The following EYA1 variants were observed in gnomAD, a reference collection of about 807,000 sequenced individuals.
EYA1 encodes the protein EYA transcriptional coactivator and phosphatase 1.
A neutral mutation model predicts 82.0 loss-of-function variants in EYA1; 16 were observed. The observed-to-expected ratio is 0.20, with a 90% CI of 0.13 to 0.30. The LOEUF is 0.30. Ranked by LOEUF, EYA1 falls within the 10% of genes least tolerant of loss-of-function variation. EYA1 has a pLI of 1.00. For missense variants in EYA1, 633 were observed against 730.7 expected (o/e 0.87, Z 1.54); for synonymous variants, 261 against 264.4 (o/e 0.99, Z 0.12).
chr8:71,357,286 A>T (rs966832396), intron 1 of EYA1, among the ~76,000 whole-genome samples: 1 of 152,220 alleles, frequency 6.6e-6, no homozygotes, highest in African/African-American at 2.4e-5. Flanking sequence ...TTAATAATCA[A>T]TTCACCATCC....
At chr8:71,209,307 C>A (rs1474662737) in intron 17 of EYA1, among the ~76,000 whole-genome samples, 1 of 152,116 alleles carries the variant, frequency 6.6e-6, no homozygotes, top group Non-Finnish European at 1.5e-5. Context: ...ATAAAGACAG[C>A]CCAGAGAGGT....
intron 2 of EYA1, among the ~76,000 whole-genome samples, chr8:71,372,350 A>G (rs1828131678): frequency 6.6e-6 from 1 of 152,172 alleles, no homozygotes; most frequent in Non-Finnish European, 1.5e-5. Context: ...ATACTTTGTA[A>G]GTAGGAAAAT....
chr8:71,461,702 T>C (rs1325819136), intron 2 of EYA1, among the ~76,000 whole-genome samples: 2 of 152,162 alleles, frequency 1.3e-5, no homozygotes, highest in Non-Finnish European at 2.9e-5. Context: ...AAGAATGAGG[T>C]ACGCAGACAA....
chr8:71,392,228 A>G lies in EYA1; in HGVS notation c.34-35717T>C, dbSNP rs924876702. The stretch of plus-strand genomic sequence containing the variant: ...GTCCTCAGGGGAGGAAGGGACGGAA[A>G]AAGAAAAAAGGAAAACTCCTGAAGA... On this transcript the variant is annotated intron_variant, in intron 2 of 18. Coordinates refer to the EYA1 transcript ENST00000643681. Among the ~76,000 whole-genome samples, 4 of 152,156 alleles carry G rather than the reference A, an allele frequency of 2.6e-5. No individual in the cohort carries two copies. In the East Asian group the frequency reaches 7.7e-4, roughly 29 times the overall value.
At chr8:71,364,991 T>C (rs1332694688), upstream of EYA1, among the ~76,000 whole-genome samples, 4 of 122,508 alleles carry the variant, frequency 3.3e-5, no homozygotes, top group African/African-American at 9.0e-5. Context: ...TATATACATA[T>C]ACACACACAC....
intron 11 of EYA1, among the ~76,000 whole-genome samples, chr8:71,248,987 T>G (rs542834789): frequency 3.3e-5 from 5 of 152,196 alleles, no homozygotes; most frequent in Non-Finnish European, 7.3e-5. Context: ...AATAACAAAT[T>G]CCAGAGCTGC....
At chr8:71,404,834 C>T (rs978056753) in intron 2 of EYA1, 7 of 148,280 alleles carry the variant, frequency 4.7e-5, no homozygotes, top group Non-Finnish European at 5.8e-5. Context: ...AGGAGAACGG[C>T]GCGAACCCGG....
intron 2 of EYA1, among the ~76,000 whole-genome samples, chr8:71,443,697 A>G (rs1806609548): frequency 6.6e-6 from 1 of 152,202 alleles, no homozygotes; most frequent in Admixed American, 6.5e-5. Flanking sequence ...CCCATATTAC[A>G]TTGGCCTTGC....
intron 2 of EYA1, among the ~76,000 whole-genome samples, chr8:71,448,025 T>TTTTTTTTTTTTTTGGGTAACGGAG (rs935912194): frequency 2.6e-5 from 3 of 116,736 alleles, no homozygotes; most frequent in Non-Finnish European, 5.1e-5. Flanking sequence ...TTTTTTTTTT[T>TTTTTTTTTTTTTTGGGTAACGGAG]TCTCGCTCCG....
At chr8:71,270,974 C>T (rs973769709) in intron 10 of EYA1, among the ~76,000 whole-genome samples, 15 of 151,900 alleles carry the variant, frequency 9.9e-5, no homozygotes, top group Admixed American at 2.0e-4. Flanking sequence ...AAAAATTAGC[C>T]GGGCTTGGTG....
At chr8:71,223,703 T>A (rs141775989) in intron 12 of EYA1, among the ~76,000 whole-genome samples, 11 of 152,204 alleles carry the variant, frequency 7.2e-5, no homozygotes, top group Non-Finnish European at 1.5e-4. Context: ...ATTCTTGGCA[T>A]CAAGACTCAA....
intron 7 of EYA1, among the ~76,000 whole-genome samples, chr8:71,311,946 G>C (rs1821386870): frequency 6.6e-6 from 1 of 152,204 alleles, no homozygotes; most frequent in South Asian, 2.1e-4. Flanking sequence ...CAGAAGTGTT[G>C]AAAGTTGGAG....
chr8:71,349,910 A>G (rs557344881), intron 3 of EYA1, among the ~76,000 whole-genome samples: 18 of 152,376 alleles, frequency 1.2e-4, no homozygotes, highest in African/African-American at 4.1e-4. Context: ...CATTATTATA[A>G]TTTATTAGCA....
At position 71,258,595 on chromosome 8, in the gene EYA1, A is replaced by T. The variant is rs142338495; in HGVS notation, c.1050+11145T>A. ...TTACCCACTACAGAAACCACCAGGA[A>T]TTTTTCTAGGTCCCCAGGAAGGAGC... On this transcript the variant is annotated intron_variant, in intron 11 of 17. Transcript: ENST00000340726. Among the ~76,000 whole-genome samples, 88 of 152,292 alleles carry T rather than the reference A, an allele frequency of 5.8e-4. 1 individual carries two copies. The East Asian group carries it at 0.016, about 28-fold the overall frequency.
At chr8:71,498,939 T>G (rs1811613052) in intron 2 of EYA1, among the ~76,000 whole-genome samples, 1 of 152,158 alleles carries the variant, frequency 6.6e-6, no homozygotes, top group Admixed American at 6.5e-5. Context: ...AGGCATCCAT[T>G]AAACTCCCAA....
At chr8:71,492,945 T>G (rs1442759443) in intron 2 of EYA1, among the ~76,000 whole-genome samples, 1 of 152,272 alleles carries the variant, frequency 6.6e-6, no homozygotes, top group South Asian at 2.1e-4. Flanking sequence ...CCCCAGTGTG[T>G]GTTGTTCCTC....
At chr8:71,357,996 A>G (rs537139223) in intron 1 of EYA1, among the ~76,000 whole-genome samples, 8 of 150,548 alleles carry the variant, frequency 5.3e-5, no homozygotes, top group Non-Finnish European at 1.2e-4. Flanking sequence ...CTCCACTTTT[A>G]TACACCTGGA....
At chr8:71,360,085 TA>T (rs770421277) in intron 1 of EYA1, among the ~76,000 whole-genome samples, 99 of 152,338 alleles carry the variant, frequency 6.5e-4, no homozygotes, top group African/African-American at 2.3e-3. Context: ...ATGTTAACAC[TA>T]TATTTCCTTC....
chr8:71,483,696 G>C (rs886901943), intron 2 of EYA1, among the ~76,000 whole-genome samples: 4 of 151,854 alleles, frequency 2.6e-5, no homozygotes, highest in African/African-American at 9.7e-5. Context: ...TGTGTGTTGG[G>C]TATGCAAACA....
Sources: gnomAD v4.1 joint callset for allele counts (sites outside exome capture counted in the v4.1 genomes callset) on GRCh38, gnomAD v4.1.1 for gene constraint, MANE v1.5 for transcripts, NCBI Gene and HGNC (gene_info 2026-07-23, HGNC 2026-07-21) for gene names.